Variants in EIF4G3 observed in about 807,000 individuals in gnomAD.
The protein encoded by EIF4G3 is eIF-4-gamma 3.
A neutral mutation model predicts 186.4 loss-of-function variants in EIF4G3; 34 were observed. The ratio of observed to expected loss-of-function variants is 0.18; its 90% CI spans 0.14 to 0.24. The LOEUF is 0.24. Among genes scored for constraint, EIF4G3 ranks in the 10% least tolerant of loss-of-function variants. The pLI, the probability that EIF4G3 is intolerant of heterozygous loss-of-function variation, is 1.00. For synonymous variants in EIF4G3, 673 were observed against 679.5 expected (o/e 0.99, Z 0.15); for missense variants, 1,536 against 1,948.5 (o/e 0.79, Z 3.99).
intron 3 of EIF4G3, among the ~76,000 whole-genome samples, chr1:21,069,032 T>C (rs1348176105): frequency 6.6e-6 from 1 of 152,250 alleles, no homozygotes; most frequent in Non-Finnish European, 1.5e-5. Context: ...TAAACTGTTC[T>C]GTTGAGTTTT....
At chr1:20,869,636 G>A (rs374526904) in intron 20 of EIF4G3, among the ~76,000 whole-genome samples, 3 of 151,814 alleles carry the variant, frequency 2.0e-5, no homozygotes, top group Admixed American at 2.0e-4. Flanking sequence ...TTAGCTGGGC[G>A]TGGTGGCGGG....
At chr1:20,882,176 T>TACACACACACACACACACACAC (rs138208807) in intron 19 of EIF4G3, among the ~76,000 whole-genome samples, 4 of 86,956 alleles carry the variant, frequency 4.6e-5, no homozygotes, top group South Asian at 7.1e-4. Flanking sequence ...AAAGAAAAAT[T>TACACACACACACACACACACAC]ACACACACAC....
At chr1:21,082,660 G>C (rs1372258034) in intron 3 of EIF4G3, among the ~76,000 whole-genome samples, 1 of 152,130 alleles carries the variant, frequency 6.6e-6, no homozygotes, top group Non-Finnish European at 1.5e-5. Context: ...CCAGCACTTT[G>C]AGTGGCTGAG....
At chr1:20,830,195 C>T (rs1330259987) in intron 30 of EIF4G3, among the ~76,000 whole-genome samples, 6 of 152,092 alleles carry the variant, frequency 3.9e-5, no homozygotes, top group Non-Finnish European at 8.8e-5. Context: ...TGTGCTTTTC[C>T]ACTGCAGTTC....
chr1:20,980,619 C>T (rs2077741359), intron 9 of EIF4G3, among the ~76,000 whole-genome samples, 171 bp from the exon 10 acceptor site: 1 of 152,090 alleles, frequency 6.6e-6, no homozygotes, highest in African/African-American at 2.4e-5. Flanking sequence ...GCTTGCTTGC[C>T]ATCAAGATAC....
At position 20,926,685 on chromosome 1, in the gene EIF4G3, A is replaced by G. The variant is rs189545257; in HGVS notation, c.1663+14806T>C. Among the ~76,000 whole-genome samples, 592 of 151,832 alleles carry G rather than the reference A, an allele frequency of 3.9e-3. 2 individuals carry two copies. The highest frequency in any genetic ancestry group is 0.013 in the African/African-American group (554 of 41,462). ...CTGTCTCAGAAAAAAGAAAAGAAAAAAAAAAAAAAACTACAATTTTTTCTT... is the reference window on the plus strand; with the variant it reads ...CTGTCTCAGAAAAAAGAAAAGAAAAGAAAAAAAAAACTACAATTTTTTCTT... On this transcript the variant is annotated intron_variant, in intron 14 of 36. Coordinates refer to ENST00000602326, the MANE Select transcript of EIF4G3 (RefSeq NM_001391906.1).
chr1:21,055,660 GA>G (rs1312148751), intron 3 of EIF4G3, among the ~76,000 whole-genome samples: 1 of 151,912 alleles, frequency 6.6e-6, no homozygotes, highest in Non-Finnish European at 1.5e-5. Flanking sequence ...ATACCCTAAA[GA>G]AAATCTCACC....
intron 4 of EIF4G3, among the ~76,000 whole-genome samples, chr1:21,019,011 TACC>T (rs2090010332): frequency 6.6e-6 from 1 of 152,128 alleles, no homozygotes; most frequent in African/African-American, 2.4e-5. Context: ...TTGTGTATTT[TACC>T]ACAACTGAAA....
chr1:20,953,156 C>A (rs1425368158), intron 12 of EIF4G3, among the ~76,000 whole-genome samples: 2 of 152,036 alleles, frequency 1.3e-5, no homozygotes, highest in Non-Finnish European at 2.9e-5. Flanking sequence ...CAATCACTAC[C>A]AAAATATAAA....
intron 3 of EIF4G3, among the ~76,000 whole-genome samples, chr1:21,081,368 G>A (rs946939484): frequency 6.6e-6 from 1 of 152,176 alleles, no homozygotes; most frequent in Non-Finnish European, 1.5e-5. Flanking sequence ...GGGAGGCGGA[G>A]GTTGCAGTGA....
Position 20,840,980 on chromosome 1 carries a change from C to G in EIF4G3, c.3937G>C (p.Val1313Leu). The change falls in exon 30 of 37, where the codon GTT (valine) becomes CTT (leucine). Residue 1313 changes from valine (V) to leucine (L), a missense_variant. Physicochemically the swap from Val to Leu is conservative, Grantham distance 32. Around this residue, in one of 11 missense-constraint regions of EIF4G3, gnomAD observed 395 missense variants for 498.9 expected, o/e 0.79. Transcript: ENST00000602326. ...GACTCCACTCCCACTCTCACAAAAACATGTAGTAGGCCCTGGGCATTCAGC... is the reference window on the plus strand; with the variant it reads ...GACTCCACTCCCACTCTCACAAAAAGATGTAGTAGGCCCTGGGCATTCAGC... ...EELNAQGLLH[V>L]FVRVGVESTL... 1 of 1,614,140 alleles carries G rather than the reference C, an allele frequency of 6.2e-7. No individual in the cohort carries two copies. The highest frequency in any genetic ancestry group is 1.1e-5 in the South Asian group (1 of 91,086).
intron 32 of EIF4G3, among the ~76,000 whole-genome samples, chr1:20,826,815 A>C (rs930100267): frequency 6.6e-6 from 1 of 152,128 alleles, no homozygotes; most frequent in Non-Finnish European, 1.5e-5. Flanking sequence ...TAAGGACTAA[A>C]GTCAAGTAGG....
chr1:20,948,182 G>A (rs910907416), intron 13 of EIF4G3, among the ~76,000 whole-genome samples: 3 of 152,184 alleles, frequency 2.0e-5, no homozygotes, highest in Non-Finnish European at 4.4e-5. Flanking sequence ...ATGAAGTTTT[G>A]AAGGGAAATA....
intron 2 of EIF4G3, among the ~76,000 whole-genome samples, chr1:21,120,317 A>G (rs1558054686): frequency 6.6e-6 from 1 of 151,882 alleles, no homozygotes; most frequent in Admixed American, 6.6e-5. Context: ...AATTAGGTCA[A>G]ATCATAAACT....
At chr1:21,170,958 T>C (rs184199388) in intron 2 of EIF4G3, among the ~76,000 whole-genome samples, 1 of 151,216 alleles carries the variant, frequency 6.6e-6, no homozygotes, top group African/African-American at 2.4e-5. Flanking sequence ...CCAGCCTGGG[T>C]GACAGAGCAA....
At chr1:21,151,255 T>TTTTTTTTTTC in intron 2 of EIF4G3, among the ~76,000 whole-genome samples, 1 of 141,324 alleles carries the variant, frequency 7.1e-6, no homozygotes, top group Non-Finnish European at 1.5e-5. Context: ...TTTTTTTTTT[T>TTTTTTTTTTC]TGAGATGGAG....
chr1:21,045,404 A>G (rs1051084780), intron 4 of EIF4G3, among the ~76,000 whole-genome samples: 1 of 152,204 alleles, frequency 6.6e-6, no homozygotes, highest in Non-Finnish European at 1.5e-5. Flanking sequence ...CCAGTGGATC[A>G]TATACCATCA....
intron 2 of EIF4G3, among the ~76,000 whole-genome samples, chr1:21,174,063 A>G (rs911983472): frequency 3.9e-5 from 6 of 152,218 alleles, no homozygotes; most frequent in Admixed American, 3.9e-4. Flanking sequence ...TGTAAAAGCA[A>G]AGAGAAAACA....
chr1:21,097,837 A>C (rs1275887563), intron 2 of EIF4G3, among the ~76,000 whole-genome samples: 1 of 152,032 alleles, frequency 6.6e-6, no homozygotes, highest in African/African-American at 2.4e-5. Context: ...CTAGTGTAAA[A>C]CAGAAAACTA....
Sources: gnomAD v4.1 joint callset for allele counts (sites outside exome capture counted in the v4.1 genomes callset) on GRCh38, gnomAD v4.1.1 for gene constraint, gnomAD v4.1.1 regional missense constraint, MANE v1.5 for transcripts, NCBI Gene and HGNC (gene_info 2026-07-23, HGNC 2026-07-21) for gene names.